SNTN: variants seen among roughly 807,000 people sequenced by gnomAD.
SNTN encodes the protein sentan.
Under a neutral mutation model 12.3 loss-of-function variants are expected in SNTN, and 13 were observed. That is an observed-to-expected ratio of 1.05 (90% confidence interval 0.69 to 1.67). The LOEUF is 1.67. SNTN is among the 40% of genes most tolerant of loss of function. SNTN has a pLI of 0.00. For synonymous variants in SNTN, 69 were observed against 58.5 expected (o/e 1.18, Z -0.82); for missense variants, 189 against 169.8 (o/e 1.11, Z -0.63).
chr3:63,659,732 G>A lies in SNTN; in HGVS notation c.153G>A (p.Arg51=). 1.2e-6 allele frequency: 2 copies of A among 1,613,886 alleles called. No individual in the cohort carries two copies. The highest frequency in any genetic ancestry group is 1.7e-6 in the Non-Finnish European group (2 of 1,179,878). The change falls in exon 3 of 4, where the codon AGG becomes AGA. Residue 51 remains arginine (R), a synonymous_variant. Coordinates refer to ENST00000343837, the MANE Select transcript of SNTN (RefSeq NM_001080537.2). The part of the protein sequence containing the change: ...SKQLASVKAL[R]KCSDLEKAIA... ...ACATTTCTTCTCTCCTAGCTCTGAG[G>A]AAGTGCTCAGATCTGGAAAAAGCTA...
In SNTN at chr3:63,663,934, C is replaced by A. The variant is rs764558857; in HGVS notation, c.286-3C>A. 5 of 1,608,810 alleles carry A rather than the reference C, an allele frequency of 3.1e-6. No homozygotes were observed. Among genetic ancestry groups the A allele is most frequent in the Non-Finnish European group, 4.2e-6 (5 of 1,178,578 alleles). ...TTCGGTTTTTATTTCTCCATTCTCA[C>A]AGGGACAAGAAACCAAGCCAAAATA... is the stretch of plus-strand genomic sequence containing the variant. On this transcript the variant is annotated splice_polypyrimidine_tract_variant and splice_region_variant and intron_variant, in intron 3 of 3. Coordinates refer to ENST00000343837, the MANE Select transcript of SNTN (RefSeq NM_001080537.2).
At chr3:63,660,072 AG>A (rs1700727688) in intron 3 of SNTN, among the ~76,000 whole-genome samples, 1 of 152,210 alleles carries the variant, frequency 6.6e-6, no homozygotes, top group Non-Finnish European at 1.5e-5. Flanking sequence ...ACACTAAAAA[AG>A]TAATTAAAAA....
rs536697148 is a variant in SNTN at position 63,656,105 on chromosome 3, T to C, written c.145+1309T>C. Reference sequence around the variant, plus strand: ...CATCATTCACAAAAATAACTGATATTAGGACAAGTTCTAAAATGAGGAGAT... The same window carrying C: ...CATCATTCACAAAAATAACTGATATCAGGACAAGTTCTAAAATGAGGAGAT... On this transcript the variant is annotated intron_variant, in intron 2 of 3. Coordinates refer to ENST00000343837, the MANE Select transcript of SNTN (RefSeq NM_001080537.2). 1.3e-3 allele frequency among the ~76,000 whole-genome samples: 204 copies of C among 152,324 alleles called. 1 individual carries two copies. The highest frequency in any genetic ancestry group is 2.4e-3 in the Non-Finnish European group (160 of 68,024).
At position 63,652,717 on chromosome 3, in the gene SNTN, C is replaced by A; in HGVS notation, c.30C>A (p.Asp10Glu). 1.2e-6 allele frequency: 2 copies of A among 1,614,034 alleles called. No homozygotes were observed. Among genetic ancestry groups the A allele is most frequent in the Non-Finnish European group, 1.7e-6 (2 of 1,179,956 alleles). MGGCMHSTQ[D>E]KSLHLEGDPN... ...GTGGCTGTATGCACAGTACCCAGGA[C>A]AAATCTCTCCACTTGGAAGGAGATC... The change falls in exon 1 of 4, where the codon GAC becomes GAA. Residue 10 changes from aspartate (D) to glutamate (E), a missense_variant. Physicochemically the swap from Asp to Glu is conservative, Grantham distance 45. Coordinates refer to ENST00000343837, the MANE Select transcript of SNTN (RefSeq NM_001080537.2).
At chr3:63,659,245 T>G (rs138150589) in intron 2 of SNTN, among the ~76,000 whole-genome samples, 2 of 152,184 alleles carry the variant, frequency 1.3e-5, no homozygotes, top group Non-Finnish European at 2.9e-5. Flanking sequence ...TTCATCATTA[T>G]AGCAAAGAGC....
At chr3:63,659,580 A>G in intron 2 of SNTN, 145 bp from the exon 3 acceptor site, 1 of 814,198 alleles carries the variant, frequency 1.2e-6, no homozygotes, top group Non-Finnish European at 1.9e-6. Flanking sequence ...CAGGATTGGA[A>G]ACTCCCACAT....
At chr3:63,655,088 G>A (rs1700662227) in intron 2 of SNTN, among the ~76,000 whole-genome samples, 1 of 152,042 alleles carries the variant, frequency 6.6e-6, no homozygotes, top group South Asian at 2.1e-4. Context: ...CGTCTCCAAG[G>A]GCAGCATCCT....
rs1449442038 is a variant in SNTN, at chr3:63,654,855, TG to T, written c.145+60del. ...TCCTCTACCAAGATGGCATGCCAAG[TG>T]TTAAAAAAAAATAATAGGACATCAA... On this transcript the variant is annotated intron_variant, in intron 2 of 3. Transcript: ENST00000343837. The T allele has an allele frequency of 2.7e-6, 4 of 1,485,752 alleles. No individual in the cohort carries two copies. The African/African-American group carries it at 4.4e-5, about 16-fold the overall frequency. 92.0% of individuals were successfully genotyped at this position (1,485,752 alleles called of 1,614,324 possible).
chr3:63,661,184 T>C (rs1312485384), intron 3 of SNTN, among the ~76,000 whole-genome samples: 1 of 152,224 alleles, frequency 6.6e-6, no homozygotes, highest in Non-Finnish European at 1.5e-5. Flanking sequence ...CATTACATTC[T>C]ATCGGCAGTA....
At chr3:63,653,917 A>C (rs1309878899) in intron 1 of SNTN, among the ~76,000 whole-genome samples, 1 of 152,088 alleles carries the variant, frequency 6.6e-6, no homozygotes, top group East Asian at 1.9e-4. Context: ...GGTGCCACCC[A>C]CACTATACCT....
chr3:63,662,991 T>G (rs140275495), intron 3 of SNTN, among the ~76,000 whole-genome samples: 10 of 152,230 alleles, frequency 6.6e-5, no homozygotes, highest in Admixed American at 2.0e-4. Flanking sequence ...GTTTGATTTA[T>G]AATCAAACTA....
intron 3 of SNTN, 95 bp from the exon 4 acceptor site, chr3:63,663,842 A>G: frequency 6.9e-7 from 1 of 1,449,126 alleles, no homozygotes; most frequent in East Asian, 2.3e-5. Context: ...GTATTCTATT[A>G]CAGCAACACT....
At chr3:63,659,303 T>C (rs758260756) in intron 2 of SNTN, among the ~76,000 whole-genome samples, 1 of 152,238 alleles carries the variant, frequency 6.6e-6, no homozygotes, top group Non-Finnish European at 1.5e-5. Flanking sequence ...GAAGTGATGC[T>C]GTGTCTGACA....
At chr3:63,659,174 C>T (rs1382285164) in intron 2 of SNTN, among the ~76,000 whole-genome samples, 1 of 152,168 alleles carries the variant, frequency 6.6e-6, no homozygotes, top group Non-Finnish European at 1.5e-5. Flanking sequence ...AAGAAGCTTA[C>T]CTGAGAGAAA....
intron 1 of SNTN, among the ~76,000 whole-genome samples, chr3:63,653,829 G>A (rs559437523): frequency 2.0e-5 from 3 of 152,224 alleles, no homozygotes; most frequent in South Asian, 4.1e-4. Flanking sequence ...ATAATAACTG[G>A]CATCCTCCAT....
chr3:63,653,577 A>G (rs546259828), intron 1 of SNTN, among the ~76,000 whole-genome samples: 33 of 152,272 alleles, frequency 2.2e-4, no homozygotes, highest in African/African-American at 7.9e-4. Context: ...CCTGAACCCA[A>G]AAGTTCCTTT....
chr3:63,654,815 A>C lies in SNTN; in HGVS notation c.145+19A>C. 2 of 1,610,940 alleles carry C rather than the reference A, an allele frequency of 1.2e-6. No homozygotes were observed. Among genetic ancestry groups the C allele is most frequent in the Non-Finnish European group, 8.5e-7 (1 of 1,178,354 alleles). ...GTGAAAGGTAAGGCACAGATGACGC[A>C]GATGTACATTTTTCTCCTCTACCAA... On this transcript the variant is annotated intron_variant, in intron 2 of 3. Coordinates refer to ENST00000343837, the MANE Select transcript of SNTN (RefSeq NM_001080537.2).
chr3:63,659,952 C>G, intron 3 of SNTN, 88 bp downstream of exon 3: 1 of 1,483,940 alleles, frequency 6.7e-7, no homozygotes, highest in Admixed American at 1.8e-5. Flanking sequence ...AGGTCCCTGT[C>G]ATGTTGTCTC....
intron 3 of SNTN, among the ~76,000 whole-genome samples, chr3:63,661,995 A>G (rs1700748475): frequency 6.6e-6 from 1 of 152,226 alleles, no homozygotes; most frequent in Non-Finnish European, 1.5e-5. Context: ...CATGTCTCTC[A>G]GTGTAGGCTA....
Sources: allele counts gnomAD v4.1 joint callset (sites outside exome capture counted in the v4.1 genomes callset), GRCh38; gene constraint gnomAD v4.1.1; transcripts MANE v1.5; gene names NCBI Gene and HGNC (gene_info 2026-07-23, HGNC 2026-07-21).